The following SNRPE variants were observed in gnomAD, a reference collection of about 807,000 sequenced individuals.
SNRPE encodes the protein small nuclear ribonucleoprotein E.
For missense variants in SNRPE, 53 were observed against 111.6 expected, an observed-to-expected ratio of 0.48 and a Z score of 2.36; for synonymous variants, 35 against 36.7, an observed-to-expected ratio of 0.95 and a Z score of 0.17.
chr1:203,868,414 A>G (rs755924188), intron 4 of SNRPE, among the ~76,000 whole-genome samples: 3 of 152,158 alleles, frequency 2.0e-5, no homozygotes, highest in Non-Finnish European at 4.4e-5. Context: ...TTTCATCAAG[A>G]CACACTGAAT....
intron 4 of SNRPE, among the ~76,000 whole-genome samples, chr1:203,869,208 A>T (rs533351541): frequency 6.6e-6 from 1 of 150,656 alleles, no homozygotes; most frequent in Non-Finnish European, 1.5e-5. Flanking sequence ...GAAGATGTTT[A>T]TAAATTTCTC....
chr1:203,867,237 G>C (rs1041297447), intron 4 of SNRPE, among the ~76,000 whole-genome samples: 10 of 150,150 alleles, frequency 6.7e-5, no homozygotes, highest in African/African-American at 2.5e-4. Context: ...CTGAGATCAC[G>C]CCACTGCGCT....
At chr1:203,868,585 C>A (rs904106508) in intron 4 of SNRPE, among the ~76,000 whole-genome samples, 7 of 152,316 alleles carry the variant, frequency 4.6e-5, no homozygotes, top group African/African-American at 1.7e-4. Context: ...AAAGTAGATT[C>A]TGAGAAGCAG....
At position 203,863,736 on chromosome 1, in the gene SNRPE, A is replaced by G; in HGVS notation, c.144+11A>G. 3 of 1,562,112 alleles carry G rather than the reference A, an allele frequency of 1.9e-6. No individual in the cohort carries two copies. The highest frequency in any genetic ancestry group is 1.7e-5 in the Admixed American group (1 of 59,900). ...GAAGGCTGTATCATTGTGAGTATCC[A>G]GGCGATTTCATCTCATAGCAGTTCG... On this transcript the variant is annotated intron_variant, in intron 3 of 4. Coordinates refer to ENST00000414487, the MANE Select transcript of SNRPE (RefSeq NM_003094.4).
At chr1:203,865,316 C>G (rs777731400) in intron 4 of SNRPE, among the ~76,000 whole-genome samples, 197 bp downstream of exon 4, 1 of 152,152 alleles carries the variant, frequency 6.6e-6, no homozygotes, top group Non-Finnish European at 1.5e-5. Context: ...ACCCAGAGAG[C>G]TCTCACCAAG....
At chr1:203,861,911 G>C in intron 1 of SNRPE, 198 bp downstream of exon 1, 1 of 620,926 alleles carries the variant, frequency 1.6e-6, no homozygotes, top group South Asian at 1.9e-5. Flanking sequence ...CCTGCCGTGG[G>C]GAATGCAGGA....
intron 4 of SNRPE, among the ~76,000 whole-genome samples, chr1:203,868,207 C>T (rs752804966): frequency 3.3e-5 from 5 of 152,082 alleles, no homozygotes; most frequent in Admixed American, 6.6e-5. Context: ...AGGCGTGTAC[C>T]ACCACGCCTG....
Position 203,870,180 on chromosome 1 carries a change from T to A in SNRPE, c.*248T>A, listed in dbSNP as rs1301637678. 1 of 341,854 alleles carries A rather than the reference T, an allele frequency of 2.9e-6. No individual in the cohort carries two copies. Among genetic ancestry groups the A allele is most frequent in the Non-Finnish European group, 5.3e-6 (1 of 188,208 alleles). The allele number at this position is 341,854 out of a possible 1,614,324, so 21.2% of individuals were successfully genotyped here. A position where few individuals can be genotyped will look rare whatever the true frequency, so the allele number is the denominator to read the frequency against. On this transcript the variant is annotated 3_prime_UTR_variant, in exon 5 of 5. Transcript: ENST00000414487. Reference sequence around the variant, plus strand: ...GTTTTCTGAAGGGTCGCAGTTGCCTTGAGCACTTGGTATTCGCAGAGCTTG... The same window carrying A: ...GTTTTCTGAAGGGTCGCAGTTGCCTAGAGCACTTGGTATTCGCAGAGCTTG...
At chr1:203,866,055 T>G (rs1354073322) in intron 4 of SNRPE, among the ~76,000 whole-genome samples, 2 of 152,092 alleles carry the variant, frequency 1.3e-5, no homozygotes, top group African/African-American at 4.8e-5. Flanking sequence ...CAGCTTAACC[T>G]TCAGCTCCTT....
chr1:203,864,876 C>CAAAAAAAAAAAAAAAAAAAAAAAAA (rs61506397), intron 3 of SNRPE, among the ~76,000 whole-genome samples, 165 bp from the exon 4 acceptor site: 1 of 119,290 alleles, frequency 8.4e-6, no homozygotes. Context: ...GATCCTTTCT[C>CAAAAAAAAAAAAAAAAAAAAAAAAA]AAAAAAAAAA....
At chr1:203,863,441 C>T (rs2103506083) in intron 2 of SNRPE, among the ~76,000 whole-genome samples, 1 of 152,224 alleles carries the variant, frequency 6.6e-6, no homozygotes, top group East Asian at 1.9e-4. Flanking sequence ...CTTCAGCGTC[C>T]CGAGTAGCTG....
At chr1:203,868,796 A>T (rs889907061) in intron 4 of SNRPE, among the ~76,000 whole-genome samples, 4 of 97,186 alleles carry the variant, frequency 4.1e-5, no homozygotes, top group African/African-American at 1.5e-4. Flanking sequence ...CAGCCTCCCA[A>T]GTAACTGGGA....
At chr1:203,864,126 T>TG (rs1690037241) in intron 3 of SNRPE, among the ~76,000 whole-genome samples, 1 of 152,076 alleles carries the variant, frequency 6.6e-6, no homozygotes, top group Non-Finnish European at 1.5e-5. Context: ...TGCTAAATTT[T>TG]TATTTTTTAT....
At chr1:203,865,644 C>T (rs1690071619) in intron 4 of SNRPE, among the ~76,000 whole-genome samples, 1 of 152,140 alleles carries the variant, frequency 6.6e-6, no homozygotes, top group South Asian at 2.1e-4. Context: ...CGTCAGTTCC[C>T]AGAGGTTGAG....
chr1:203,869,625 C>G (rs1225508085), intron 4 of SNRPE, among the ~76,000 whole-genome samples: 1 of 152,008 alleles, frequency 6.6e-6, no homozygotes, highest in African/African-American at 2.4e-5. Flanking sequence ...TGTATGAGGC[C>G]TATTGAGTTG....
chr1:203,865,217 A>G lies in SNRPE; in HGVS notation c.223+98A>G, dbSNP rs540593847. 7.7e-5 allele frequency: 87 copies of G among 1,135,876 alleles called. No homozygotes were observed. The African/African-American group carries it at 1.1e-3, about 15-fold the overall frequency. 70.4% of individuals were successfully genotyped at this position (1,135,876 alleles called of 1,614,324 possible). On this transcript the variant is annotated intron_variant, in intron 4 of 4. Transcript: ENST00000414487. The stretch of plus-strand genomic sequence containing the variant: ...CAGTTCATGTTTGAATTTATTTTGC[A>G]TTTGAGAAGTTATTATTCAGAGTAG...
chr1:203,867,123 A>AAAAAG (rs1553274871), intron 4 of SNRPE, among the ~76,000 whole-genome samples: 1 of 141,294 alleles, frequency 7.1e-6, no homozygotes, highest in African/African-American at 2.7e-5. Context: ...AAAAAAAAAA[A>AAAAAG]AAAAAAATTA....
chr1:203,867,819 C>T (rs549411826), intron 4 of SNRPE, among the ~76,000 whole-genome samples: 4 of 152,224 alleles, frequency 2.6e-5, no homozygotes, highest in Admixed American at 2.0e-4. Flanking sequence ...GGAAGCCCTG[C>T]TCTAAAAAGT....
At chr1:203,867,127 A>AC (rs1690107706) in intron 4 of SNRPE, among the ~76,000 whole-genome samples, 5 of 143,526 alleles carry the variant, frequency 3.5e-5, no homozygotes, top group African/African-American at 1.2e-4. Flanking sequence ...AAAAAAAAAA[A>AC]AAATTAGCTG....
Sources: gnomAD v4.1 joint callset for allele counts (sites outside exome capture counted in the v4.1 genomes callset) on GRCh38, gnomAD v4.1.1 for gene constraint, MANE v1.5 for transcripts, NCBI Gene and HGNC (gene_info 2026-07-23, HGNC 2026-07-21) for gene names.